AADACL2: variants seen among roughly 807,000 people sequenced by gnomAD.
AADACL2 encodes the protein arylacetamide deacetylase-like 2.
Under a neutral mutation model 22.3 loss-of-function variants are expected in AADACL2, and 23 were observed. The observed-to-expected ratio is 1.03, with a 90% CI of 0.74 to 1.46. The LOEUF is 1.46. Ranked by LOEUF, AADACL2 falls within the 40% of genes most tolerant of loss-of-function variation. The pLI, the probability that AADACL2 is intolerant of heterozygous loss-of-function variation, is 0.00. For missense variants in AADACL2, 472 were observed against 482.9 expected, an observed-to-expected ratio of 0.98 and a Z score of 0.21; for synonymous variants, 177 against 166.2, an observed-to-expected ratio of 1.07 and a Z score of -0.50.
intron 2 of AADACL2, among the ~76,000 whole-genome samples, chr3:151,742,962 T>G (rs892259559): frequency 7.9e-5 from 12 of 152,122 alleles, no homozygotes; most frequent in Admixed American, 5.9e-4. Context: ...GAGCACACTT[T>G]TGTTTTACAT....
At position 151,737,444 on chromosome 3, in the gene AADACL2, T is replaced by C. The variant is rs568384302; in HGVS notation, c.139-3202T>C. On this transcript the variant is annotated intron_variant, in intron 1 of 4. Transcript: ENST00000356517. ...TGAGAAGAATGTATATTCTGTTGAT[T>C]TGTGGTGGAGAGTTCTGTAGATGAC... 5.3e-5 allele frequency among the ~76,000 whole-genome samples: 8 copies of C among 152,162 alleles called. No homozygotes were observed. The East Asian group carries it at 1.5e-3, about 29-fold the overall frequency.
intron 3 of AADACL2, among the ~76,000 whole-genome samples, chr3:151,744,436 TC>T (rs936957426): frequency 4.6e-5 from 7 of 152,060 alleles, no homozygotes; most frequent in African/African-American, 1.7e-4. Flanking sequence ...CCTAGTAGTG[TC>T]CCAAGTAACA....
intron 3 of AADACL2, 82 bp from the exon 4 acceptor site, chr3:151,745,427 G>A: frequency 1.5e-6 from 2 of 1,361,192 alleles, no homozygotes; most frequent in South Asian, 1.3e-5. Context: ...AATAAAGACT[G>A]GCATTAAATT....
At chr3:151,734,446 C>T (rs1713026697) in intron 1 of AADACL2, among the ~76,000 whole-genome samples, 1 of 152,054 alleles carries the variant, frequency 6.6e-6, no homozygotes, top group South Asian at 2.1e-4. Flanking sequence ...AATGGTATTG[C>T]TAAAGGAAAA....
At chr3:151,756,075 T>TGTGGTGAC (rs1262407174) in intron 4 of AADACL2, among the ~76,000 whole-genome samples, 1 of 152,116 alleles carries the variant, frequency 6.6e-6, no homozygotes, top group Non-Finnish European at 1.5e-5. Flanking sequence ...AGCCAGCCAC[T>TGTGGTGAC]GTGGTGACTG....
chr3:151,752,362 C>T (rs1182140430), intron 4 of AADACL2, among the ~76,000 whole-genome samples: 1 of 152,144 alleles, frequency 6.6e-6, no homozygotes, highest in African/African-American at 2.4e-5. Context: ...ATACATTACC[C>T]TGTCATTTTC....
rs1275825762 is a variant in AADACL2, at chr3:151,759,576, A to C, written c.*1982A>C. On this transcript the variant is annotated 3_prime_UTR_variant, in exon 5 of 5. Transcript: ENST00000356517. ...ACTAAGTTTGTTTTCGTTTTGAAAA[A>C]GTTTGTATCTTGCAGAGCAGAAAAG... 1 of 152,190 alleles carries C rather than the reference A, an allele frequency of 6.6e-6. No homozygotes were observed. Among genetic ancestry groups the C allele is most frequent in the African/African-American group, 2.4e-5 (1 of 41,452 alleles). 9.4% of individuals were successfully genotyped at this position (152,190 alleles called of 1,614,324 possible).
intron 1 of AADACL2, among the ~76,000 whole-genome samples, chr3:151,738,965 T>C (rs1713187220): frequency 6.6e-6 from 1 of 152,150 alleles, no homozygotes; most frequent in Non-Finnish European, 1.5e-5. Flanking sequence ...CAGAGGAGCT[T>C]GTTATTACCC....
chr3:151,745,727 T>A (rs754848554), intron 4 of AADACL2, 47 bp downstream of exon 4: 1 of 1,519,350 alleles, frequency 6.6e-7, no homozygotes. Flanking sequence ...TTGAGGCTCA[T>A]TTTTTTTCTA....
intron 4 of AADACL2, among the ~76,000 whole-genome samples, chr3:151,756,083 C>T (rs545189375): frequency 2.0e-5 from 3 of 152,170 alleles, no homozygotes; most frequent in African/African-American, 7.2e-5. Flanking sequence ...ACTGTGGTGA[C>T]TGGGTGACTT....
At chr3:151,745,352 A>G (rs1713403720) in intron 3 of AADACL2, among the ~76,000 whole-genome samples, 157 bp from the exon 4 acceptor site, 1 of 152,188 alleles carries the variant, frequency 6.6e-6, no homozygotes, top group African/African-American at 2.4e-5. Flanking sequence ...ATACTTTATT[A>G]AAATAATTTT....
In AADACL2 at chr3:151,748,710, C is replaced by G. The variant is rs144953935; in HGVS notation, c.603+3030C>G. Among the ~76,000 whole-genome samples, 1,124 of 152,284 alleles carry G rather than the reference C, an allele frequency of 7.4e-3. 14 individuals are homozygous for G. Among genetic ancestry groups the G allele is most frequent in the African/African-American group, 0.025 (1,026 of 41,568 alleles). ...TCTTTGCACATGCAGATACCCGGTT[C>G]TCTTTCATGAGTTAAAGCAGCCAGA... On this transcript the variant is annotated intron_variant, in intron 4 of 4. Transcript: ENST00000356517.
At chr3:151,734,801 A>C (rs2107978908) in intron 1 of AADACL2, among the ~76,000 whole-genome samples, 1 of 152,262 alleles carries the variant, frequency 6.6e-6, no homozygotes, top group Non-Finnish European at 1.5e-5. Context: ...CTATCCTGCA[A>C]TTATTTTTAT....
chr3:151,756,772 T>TC (rs1392497255), intron 4 of AADACL2, among the ~76,000 whole-genome samples: 10 of 151,888 alleles, frequency 6.6e-5, no homozygotes, highest in African/African-American at 2.2e-4. Flanking sequence ...TCTCCTTTTT[T>TC]CCTCACACAA....
chr3:151,744,794 A>C (rs1370015900), intron 3 of AADACL2, among the ~76,000 whole-genome samples: 2 of 152,164 alleles, frequency 1.3e-5, no homozygotes, highest in African/African-American at 4.8e-5. Flanking sequence ...TTGGCTATAG[A>C]AATATACATG....
Position 151,740,159 on chromosome 3 carries a change from G to A in AADACL2, c.139-487G>A, listed in dbSNP as rs1163919966. On this transcript the variant is annotated intron_variant, in intron 1 of 4. Coordinates refer to ENST00000356517, the MANE Select transcript of AADACL2 (RefSeq NM_207365.4). Reference sequence around the variant, plus strand: ...CTGTAGGCACATGAGAGCATCTCCTGATCTGCAGATTGCAAAAACCATGGA... The same window carrying A: ...CTGTAGGCACATGAGAGCATCTCCTAATCTGCAGATTGCAAAAACCATGGA... Among the ~76,000 whole-genome samples, 2 of 152,218 alleles carry A rather than the reference G, an allele frequency of 1.3e-5. 1 individual carries two copies. The highest frequency in any genetic ancestry group is 4.8e-5 in the African/African-American group (2 of 41,458).
At position 151,740,821 on chromosome 3, in the gene AADACL2, G is replaced by A. The variant is rs183697499; in HGVS notation, c.314G>A (p.Arg105Gln). The change falls in exon 2 of 5, where the codon CGA becomes CAA. Residue 105 changes from arginine (R) to glutamine (Q), a missense_variant. Physicochemically the swap from Arg to Gln is conservative, Grantham distance 43 (BLOSUM62 1). Transcript: ENST00000356517. ...AAAAGAAAGTCAGAAACCCGAAGGC[G>A]AGCTGTGATATATTTTCATGGTGGT... is the stretch of plus-strand genomic sequence containing the variant. ...LPKRKSETRR[R>Q]AVIYFHGGGF... 8.7e-5 allele frequency: 140 copies of A among 1,614,006 alleles called. No homozygotes were observed. The highest frequency in any genetic ancestry group is 4.5e-4 in the Admixed American group (27 of 60,008).
At position 151,740,623 on chromosome 3, in the gene AADACL2, TTTTG is replaced by T. The variant is rs766537550; in HGVS notation, c.139-15_139-12del. ...GTTATTTAAATATCTAAATATTTAA[TTTTG>T]TTTGTTTTGTTCTTACAGGCTATGT... On this transcript the variant is annotated intron_variant, in intron 1 of 4. Coordinates refer to ENST00000356517, the MANE Select transcript of AADACL2 (RefSeq NM_207365.4). 1.8e-5 allele frequency: 26 copies of T among 1,470,714 alleles called. No individual in the cohort carries two copies. The highest frequency in any genetic ancestry group is 2.6e-5 in the South Asian group (2 of 77,112). 91.1% of individuals were successfully genotyped at this position (1,470,714 alleles called of 1,614,324 possible). A position where few individuals can be genotyped will look rare whatever the true frequency, so the allele number is the denominator to read the frequency against.
rs150482485 is a variant in AADACL2, at chr3:151,742,362, C to A, written c.361+1494C>A. 4.6e-5 allele frequency among the ~76,000 whole-genome samples: 7 copies of A among 152,112 alleles called. No homozygotes were observed. In the East Asian group the frequency reaches 5.8e-4, roughly 13 times the overall value. ...ATAAAAAGGCATGGAATAAAAGAAACAAGACCAGAGAGATTATATCAGCAA... is the reference window on the plus strand; with the variant it reads ...ATAAAAAGGCATGGAATAAAAGAAAAAAGACCAGAGAGATTATATCAGCAA... On this transcript the variant is annotated intron_variant, in intron 2 of 4. Coordinates refer to ENST00000356517, the MANE Select transcript of AADACL2 (RefSeq NM_207365.4).
Sources: allele counts gnomAD v4.1 joint callset (sites outside exome capture counted in the v4.1 genomes callset), GRCh38; gene constraint gnomAD v4.1.1; transcripts MANE v1.5; gene names NCBI Gene and HGNC (gene_info 2026-07-23, HGNC 2026-07-21).